ZNF638: variants seen among roughly 807,000 people sequenced by gnomAD.
ZNF638 encodes zinc finger protein 638.
Under a neutral mutation model 195.6 loss-of-function variants are expected in ZNF638, and 46 were observed. The observed-to-expected ratio is 0.24, with a 90% CI of 0.19 to 0.30. The LOEUF (loss-of-function observed/expected upper bound fraction) is 0.30. Among genes scored for constraint, ZNF638 ranks in the 10% least tolerant of loss-of-function variants. The pLI is 1.00. For missense variants in ZNF638, 2,440 were observed against 2,325.3 expected, an observed-to-expected ratio of 1.05 and a Z score of -1.01; for synonymous variants, 845 against 772.0, an observed-to-expected ratio of 1.09 and a Z score of -1.57.
At chr2:71,333,633 AAATG>A (rs1386378790) in intron 1 of ZNF638, among the ~76,000 whole-genome samples, 1 of 152,224 alleles carries the variant, frequency 6.6e-6, no homozygotes, top group Non-Finnish European at 1.5e-5. Flanking sequence ...AAGTGGAAGA[AAATG>A]AGACAAGTAG....
At chr2:71,398,883 G>C in intron 12 of ZNF638, 111 bp downstream of exon 12, 3 of 995,032 alleles carry the variant, frequency 3.0e-6, no homozygotes, top group East Asian at 5.2e-5. Flanking sequence ...ATATTTCCTT[G>C]ATATTTAAAA....
At chr2:71,424,859 T>C in intron 23 of ZNF638, 144 bp downstream of exon 23, 1 of 630,428 alleles carries the variant, frequency 1.6e-6, no homozygotes, top group South Asian at 2.8e-5. Flanking sequence ...TGTTTTTAAC[T>C]TATCTCTAAT....
intron 2 of ZNF638, among the ~76,000 whole-genome samples, chr2:71,355,436 A>C (rs985661962): frequency 4.6e-5 from 7 of 151,956 alleles, no homozygotes; most frequent in Admixed American, 1.3e-4. Flanking sequence ...ATTTTCTCCA[A>C]GTTTATATAT....
intron 1 of ZNF638, chr2:71,333,089 G>A (rs1467560086): frequency 6.6e-6 from 1 of 152,124 alleles, no homozygotes; most frequent in East Asian, 1.9e-4. Flanking sequence ...TGAATTTAAG[G>A]AAGTTTTCGG....
At chr2:71,336,997 A>G (rs2078681767) in intron 1 of ZNF638, among the ~76,000 whole-genome samples, 1 of 152,184 alleles carries the variant, frequency 6.6e-6, no homozygotes, top group Admixed American at 6.5e-5. Flanking sequence ...ATTATTATGG[A>G]TTGCATAATA....
At position 71,399,251 on chromosome 2, in the gene ZNF638, A is replaced by G. The variant is rs149373574; in HGVS notation, c.2501-308A>G. The stretch of plus-strand genomic sequence containing the variant: ...TTAGTAGTACCTTTCCTAACAGACT[A>G]ATTCTAAAGAATCTTTGCAGAAATT... On this transcript the variant is annotated intron_variant, in intron 12 of 27. Transcript: ENST00000264447. Among the ~76,000 whole-genome samples, 171 of 152,274 alleles carry G rather than the reference A, an allele frequency of 1.1e-3. 2 individuals carry two copies. Among genetic ancestry groups the G allele is most frequent in the African/African-American group, 3.9e-3 (164 of 41,558 alleles).
chr2:71,360,014 G>A (rs1157878180), intron 3 of ZNF638, among the ~76,000 whole-genome samples: 1 of 152,182 alleles, frequency 6.6e-6, no homozygotes, highest in African/African-American at 2.4e-5. Context: ...GAGGTGTTAA[G>A]TATAAGGATT....
Position 71,399,436 on chromosome 2 carries a change from T to C in ZNF638, c.2501-123T>C. ...AGGTACTGAAAATAAATAGAAATAA[T>C]GACTATGTGGAAAAGAGCTGCTTTT... On this transcript the variant is annotated intron_variant, in intron 12 of 27. Transcript: ENST00000264447. 3 of 654,934 alleles carry C rather than the reference T, an allele frequency of 4.6e-6. No homozygotes were observed. The South Asian group carries it at 6.2e-5, about 14-fold the overall frequency. The allele number at this position is 654,934 out of a possible 1,614,324, so 40.6% of individuals were successfully genotyped here.
chr2:71,356,611 C>T (rs916239981), intron 3 of ZNF638, among the ~76,000 whole-genome samples: 19 of 151,970 alleles, frequency 1.3e-4, no homozygotes, highest in African/African-American at 4.6e-4. Context: ...ACAGCAAGAT[C>T]TTGTCTCTAC....
chr2:71,398,016 T>A (rs1243921663), intron 11 of ZNF638, among the ~76,000 whole-genome samples: 1 of 152,214 alleles, frequency 6.6e-6, no homozygotes, highest in Non-Finnish European at 1.5e-5. Flanking sequence ...TAGGTTTAAC[T>A]GCTTTTGGAA....
chr2:71,407,907 T>C, intron 19 of ZNF638: 1 of 409,848 alleles, frequency 2.4e-6, no homozygotes, highest in Non-Finnish European at 4.3e-6. Flanking sequence ...AACACATTTT[T>C]ATATCCACTC....
chr2:71,424,018 C>T lies in ZNF638; in HGVS notation c.4504C>T (p.Arg1502Trp), dbSNP rs146056742. 2.7e-5 allele frequency: 43 copies of T among 1,613,630 alleles called. No individual in the cohort carries two copies. In the African/African-American group the frequency reaches 2.9e-4, roughly 11 times the overall value. ...ETEARPSIMK[R>W]DDSNNKTLAE... Reference sequence around the variant, plus strand: ...AGAGGCTAGACCTTCCATCATGAAACGGGATGACAGCAACAATAAGGTGAG... The same window carrying T: ...AGAGGCTAGACCTTCCATCATGAAATGGGATGACAGCAACAATAAGGTGAG... Residue 1502 changes from arginine (R) to tryptophan (W), a missense_variant, in exon 22 of 28, where the codon CGG becomes TGG. Around this residue, in one of 5 missense-constraint regions of ZNF638, gnomAD observed 1,883 missense variants for 1,739.1 expected, o/e 1.08. Coordinates refer to ENST00000264447, the MANE Select transcript of ZNF638 (RefSeq NM_014497.5).
At chr2:71,376,557 G>A (rs2079429637) in intron 8 of ZNF638, among the ~76,000 whole-genome samples, 2 of 152,104 alleles carry the variant, frequency 1.3e-5, no homozygotes. Context: ...AGCTTTCTTG[G>A]TCCAAATCTT....
At chr2:71,391,821 C>G (rs1247411458) in intron 10 of ZNF638, among the ~76,000 whole-genome samples, 1 of 152,082 alleles carries the variant, frequency 6.6e-6, no homozygotes, top group Non-Finnish European at 1.5e-5. Context: ...GGTATTTAAC[C>G]CCCGCAGCAA....
chr2:71,378,911 G>A (rs1432849998), intron 8 of ZNF638, among the ~76,000 whole-genome samples: 1 of 152,200 alleles, frequency 6.6e-6, no homozygotes, highest in African/African-American at 2.4e-5. Flanking sequence ...AGAAGTATAG[G>A]AAGGAAGTGT....
intron 1 of ZNF638, among the ~76,000 whole-genome samples, chr2:71,336,673 G>C (rs1271388386): frequency 2.0e-5 from 3 of 152,132 alleles, no homozygotes; most frequent in Non-Finnish European, 2.9e-5. Context: ...GATGAAACAG[G>C]CTTGGATTAA....
rs1387617422 is a variant in ZNF638, at chr2:71,363,140, A to G, written c.1380-13A>G. On this transcript the variant is annotated splice_polypyrimidine_tract_variant and intron_variant, in intron 3 of 27. Transcript: ENST00000264447. ...TTTTAGCTGTTAGTTAATATTGTTT[A>G]TTTTCAAAATAGGTATCCTGATTGG... 4 of 1,589,340 alleles carry G rather than the reference A, an allele frequency of 2.5e-6. No individual in the cohort carries two copies. The highest frequency in any genetic ancestry group is 1.7e-4 in the Middle Eastern group (1 of 6,000).
At chr2:71,400,554 C>T in intron 15 of ZNF638, 36 bp downstream of exon 15, 1 of 1,534,596 alleles carries the variant, frequency 6.5e-7, no homozygotes, top group Non-Finnish European at 8.8e-7. Flanking sequence ...CTTTAAAGCT[C>T]AAGACATTTT....
At chr2:71,337,708 A>C (rs1405389482) in intron 1 of ZNF638, among the ~76,000 whole-genome samples, 1 of 152,214 alleles carries the variant, frequency 6.6e-6, no homozygotes, top group Non-Finnish European at 1.5e-5. Flanking sequence ...GCAGCCTATA[A>C]AATTATTCAG....
Sources: gnomAD v4.1 joint callset for allele counts (sites outside exome capture counted in the v4.1 genomes callset) on GRCh38, gnomAD v4.1.1 for gene constraint, gnomAD v4.1.1 regional missense constraint, MANE v1.5 for transcripts, NCBI Gene and HGNC (gene_info 2026-07-23, HGNC 2026-07-21) for gene names.